SLC4A10: variants seen among roughly 807,000 people sequenced by gnomAD.
The protein encoded by SLC4A10 is solute carrier family 4 member 10.
Under a neutral mutation model 137.7 loss-of-function variants are expected in SLC4A10, and 42 were observed. The observed-to-expected ratio is 0.30, with a 90% confidence interval of 0.24 to 0.39. The LOEUF (loss-of-function observed/expected upper bound fraction) is 0.39. Among genes scored for constraint, SLC4A10 ranks in the 10% least tolerant of loss-of-function variants. SLC4A10 has a pLI of 1.00. For synonymous variants in SLC4A10, 474 were observed against 464.1 expected (o/e 1.02, Z -0.27); for missense variants, 925 against 1,355.0 (o/e 0.68, Z 4.98).
At chr2:161,963,243 A>G (rs1490042121) in intron 21 of SLC4A10, among the ~76,000 whole-genome samples, 5 of 152,162 alleles carry the variant, frequency 3.3e-5, no homozygotes, top group Admixed American at 3.3e-4. Flanking sequence ...TGCTTGATTA[A>G]AAAAGCCCTC....
chr2:161,886,738 A>C (rs375655558), intron 10 of SLC4A10, among the ~76,000 whole-genome samples: 15 of 152,192 alleles, frequency 9.9e-5, no homozygotes, highest in Middle Eastern at 3.4e-3. Flanking sequence ...TCAGGAAGAA[A>C]AAAATTGTTT....
chr2:161,761,406 A>G (rs1354300256), intron 1 of SLC4A10, among the ~76,000 whole-genome samples: 1 of 152,002 alleles, frequency 6.6e-6, no homozygotes, highest in East Asian at 1.9e-4. Context: ...AATTAACATG[A>G]AGAGAGTAAA....
intron 26 of SLC4A10, among the ~76,000 whole-genome samples, chr2:161,978,431 A>G (rs1699750495): frequency 6.6e-6 from 1 of 151,788 alleles, no homozygotes. Context: ...AAAAAGAAAG[A>G]AAGAAATTGC....
At chr2:161,925,163 T>G (rs1263095341) in intron 15 of SLC4A10, among the ~76,000 whole-genome samples, 1 of 151,800 alleles carries the variant, frequency 6.6e-6, no homozygotes, top group Non-Finnish European at 1.5e-5. Flanking sequence ...AGAGTAGGAG[T>G]TTCCATCTGG....
At position 161,916,342 on chromosome 2, in the gene SLC4A10, G is replaced by C. The variant is rs1244796180; in HGVS notation, c.1997+10455G>C. Among the ~76,000 whole-genome samples the C allele has an allele frequency of 9.9e-5, 15 of 152,154 alleles. No individual in the cohort carries two copies. In the South Asian group the frequency reaches 2.9e-3, roughly 29 times the overall value. ...GTCTATTCCCTTTTTCACACATCCA[G>C]ATTTCCTAGCAAATTCTCTATATAG... On this transcript the variant is annotated intron_variant, in intron 15 of 26. Coordinates refer to ENST00000446997, the MANE Select transcript of SLC4A10 (RefSeq NM_001178015.2).
chr2:161,926,460 G>A (rs1211790398), intron 15 of SLC4A10, among the ~76,000 whole-genome samples: 10 of 146,072 alleles, frequency 6.8e-5, no homozygotes, highest in East Asian at 2.1e-4. Context: ...GTCTCTGCAC[G>A]TGTGATGGGT....
intron 24 of SLC4A10, 80 bp downstream of exon 24, chr2:161,974,396 G>A (rs1699051671): frequency 8.9e-7 from 1 of 1,124,440 alleles, no homozygotes; most frequent in Non-Finnish European, 1.2e-6. Flanking sequence ...ATACTGTGTA[G>A]ATCCTCAGAG....
intron 1 of SLC4A10, among the ~76,000 whole-genome samples, chr2:161,770,094 T>C (rs1169110872): frequency 6.6e-6 from 1 of 151,994 alleles, no homozygotes; most frequent in East Asian, 1.9e-4. Context: ...GGAAGCTTCA[T>C]TCACCTTTAG....
intron 1 of SLC4A10, among the ~76,000 whole-genome samples, chr2:161,684,929 A>T (rs918669617): frequency 2.0e-5 from 3 of 152,156 alleles, no homozygotes; most frequent in African/African-American, 7.2e-5. Context: ...CTGAGGTTCA[A>T]AAAGAGGCTG....
chr2:161,867,799 G>A (rs963414076), intron 6 of SLC4A10, among the ~76,000 whole-genome samples: 1 of 151,722 alleles, frequency 6.6e-6, no homozygotes, highest in South Asian at 2.1e-4. Flanking sequence ...TAAATGTATT[G>A]TTACACATGT....
At position 161,935,007 on chromosome 2, in the gene SLC4A10, C is replaced by G. The variant is rs532442773; in HGVS notation, c.1998-7785C>G. On this transcript the variant is annotated intron_variant, in intron 15 of 26. Transcript: ENST00000446997. ...GGGTTAAATCCAAAAAAAAATTATG[C>G]AGACAAATGGCAATGTTTTCTTATA... 2.6e-5 allele frequency among the ~76,000 whole-genome samples: 4 copies of G among 152,184 alleles called. No homozygotes were observed. The East Asian group carries it at 7.7e-4, about 29-fold the overall frequency.
At chr2:161,849,564 T>A (rs62187747) in intron 4 of SLC4A10, among the ~76,000 whole-genome samples, 9,242 of 152,184 alleles carry the variant, frequency 0.061, 369 homozygotes, top group East Asian at 0.13. Context: ...TATTATTTTG[T>A]GGTGTACACC....
chr2:161,684,504 G>A (rs189543433), intron 1 of SLC4A10, among the ~76,000 whole-genome samples: 38 of 152,302 alleles, frequency 2.5e-4, no homozygotes, highest in African/African-American at 7.5e-4. Context: ...TGGGAGAAGA[G>A]CTTGAGCAAG....
chr2:161,792,582 C>A (rs150524227), intron 2 of SLC4A10, among the ~76,000 whole-genome samples: 7 of 152,222 alleles, frequency 4.6e-5, no homozygotes, highest in African/African-American at 1.7e-4. Context: ...TGTCTTCCCC[C>A]TAGAACTATA....
chr2:161,733,592 C>T (rs1384919966), intron 1 of SLC4A10, among the ~76,000 whole-genome samples: 4 of 152,212 alleles, frequency 2.6e-5, no homozygotes, highest in Non-Finnish European at 1.5e-5. Context: ...GAGCCCCCAC[C>T]CAAGTCCCTA....
intron 2 of SLC4A10, among the ~76,000 whole-genome samples, chr2:161,793,997 G>A (rs553146570): frequency 6.6e-6 from 1 of 151,952 alleles, no homozygotes; most frequent in Admixed American, 6.6e-5. Flanking sequence ...AAAACTATCA[G>A]CATCAATGAA....
At chr2:161,879,986 GTAAAAAAAAGAAAAAGA>G (rs2061664960) in intron 9 of SLC4A10, among the ~76,000 whole-genome samples, 1 of 151,476 alleles carries the variant, frequency 6.6e-6, no homozygotes, top group Non-Finnish European at 1.5e-5. Context: ...TACTAAAACT[GTAAAAAAAAGAAAAAGA>G]TAAAAAAAAG....
Position 161,804,605 on chromosome 2 carries a change from C to T in SLC4A10, c.277+10C>T, listed in dbSNP as rs1051266298. 9 of 1,598,876 alleles carry T rather than the reference C, an allele frequency of 5.6e-6. No individual in the cohort carries two copies. The highest frequency in any genetic ancestry group is 1.3e-5 in the African/African-American group (1 of 74,278). On this transcript the variant is annotated intron_variant, in intron 3 of 26. Transcript: ENST00000446997. Reference sequence around the variant, plus strand: ...GAGTCACCTTCTTTTGGTAAGAATCCTTCTCCTTGTTTTTATTAAGTTAAT... The same window carrying T: ...GAGTCACCTTCTTTTGGTAAGAATCTTTCTCCTTGTTTTTATTAAGTTAAT...
chr2:161,874,482 T>C (rs56078948), intron 8 of SLC4A10, among the ~76,000 whole-genome samples: 2 of 152,236 alleles, frequency 1.3e-5, no homozygotes, highest in Non-Finnish European at 2.9e-5. Context: ...AAAATGAAGA[T>C]TGCCAGTTGT....
Sources: gnomAD v4.1 joint callset for allele counts (sites outside exome capture counted in the v4.1 genomes callset) on GRCh38, gnomAD v4.1.1 for gene constraint, MANE v1.5 for transcripts, NCBI Gene and HGNC (gene_info 2026-07-23, HGNC 2026-07-21) for gene names.